Variants in GALK2 observed in about 807,000 individuals in gnomAD.
GALK2 encodes the protein N-acetylgalactosamine kinase.
GALK2 carries 36 observed loss-of-function variants against 52.4 expected under a neutral mutation model. The observed-to-expected ratio is 0.69, with a 90% CI of 0.53 to 0.91. The LOEUF (loss-of-function observed/expected upper bound fraction) is 0.91. Ranked by LOEUF, GALK2 falls within the 40% of genes least tolerant of loss-of-function variation. The pLI, the probability that GALK2 is intolerant of heterozygous loss-of-function variation, is 0.00. For synonymous variants in GALK2, 176 were observed against 199.1 expected, an observed-to-expected ratio of 0.88 and a Z score of 0.98; for missense variants, 579 against 559.1, an observed-to-expected ratio of 1.04 and a Z score of -0.36.
upstream of GALK2, chr15:49,170,132 A>T: frequency 7.6e-7 from 1 of 1,320,590 alleles, no homozygotes; most frequent in Non-Finnish European, 1.0e-6. Context: ...ACCCTGGCTG[A>T]GTCCAGGGAG....
chr15:49,162,525 C>A (rs943171435), intron 1 of GALK2, among the ~76,000 whole-genome samples: 3 of 152,146 alleles, frequency 2.0e-5, no homozygotes, highest in African/African-American at 7.2e-5. Context: ...CTGGTGGCTA[C>A]CCATTATCTA....
intron 3 of GALK2, among the ~76,000 whole-genome samples, chr15:49,361,109 T>C (rs1016034971): frequency 1.3e-5 from 2 of 152,192 alleles, no homozygotes; most frequent in African/African-American, 4.8e-5. Context: ...ATGAATATGT[T>C]AGCTTGATTC....
chr15:49,195,208 A>T (rs1054722722), intron 1 of GALK2: 1 of 407,814 alleles, frequency 2.5e-6, no homozygotes, highest in Non-Finnish European at 4.8e-6. Context: ...AGTAGCTGGG[A>T]TTACAGGTGC....
intron 3 of GALK2, among the ~76,000 whole-genome samples, chr15:49,352,597 T>C (rs1156585715): frequency 6.6e-6 from 1 of 152,218 alleles, no homozygotes. Context: ...TTCTGTGTTA[T>C]GCATAATTTT....
intron 1 of GALK2, among the ~76,000 whole-genome samples, chr15:49,199,392 T>C (rs549055918): frequency 1.3e-5 from 2 of 152,140 alleles, no homozygotes; most frequent in African/African-American, 4.8e-5. Flanking sequence ...TGAGGATGTA[T>C]AGAGAAAGAT....
intron 5 of GALK2, among the ~76,000 whole-genome samples, chr15:49,265,352 C>T (rs536280048): frequency 8.5e-5 from 13 of 152,322 alleles, no homozygotes; most frequent in African/African-American, 2.9e-4. Flanking sequence ...AGCGAGGCTC[C>T]GTGGGCATAG....
intron 1 of GALK2, among the ~76,000 whole-genome samples, chr15:49,164,613 T>A (rs898777574): frequency 2.0e-5 from 3 of 151,722 alleles, no homozygotes; most frequent in Non-Finnish European, 4.4e-5. Flanking sequence ...AAACCCCATC[T>A]CTACTAATCA....
intron 5 of GALK2, among the ~76,000 whole-genome samples, chr15:49,260,299 T>A (rs2092037586): frequency 6.6e-6 from 1 of 152,222 alleles, no homozygotes; most frequent in African/African-American, 2.4e-5. Flanking sequence ...GGTATCTCAT[T>A]GTGGTTTTGA....
At chr15:49,186,983 A>G (rs2086397309) in intron 1 of GALK2, among the ~76,000 whole-genome samples, 1 of 152,154 alleles carries the variant, frequency 6.6e-6, no homozygotes, top group Admixed American at 6.5e-5. Flanking sequence ...GATGGTCTTG[A>G]TGCTTGTGGA....
At chr15:49,258,356 A>G (rs2091905097) in intron 5 of GALK2, among the ~76,000 whole-genome samples, 1 of 152,052 alleles carries the variant, frequency 6.6e-6, no homozygotes, top group Non-Finnish European at 1.5e-5. Context: ...ATTTTAAGGA[A>G]GTAAGGGAAG....
At chr15:49,211,595 A>T (rs562640567) in intron 2 of GALK2, among the ~76,000 whole-genome samples, 72 of 152,314 alleles carry the variant, frequency 4.7e-4, no homozygotes, top group African/African-American at 1.0e-3. Flanking sequence ...TAATTTATTT[A>T]AAAAAAGAGG....
intron 1 of GALK2, chr15:49,194,012 T>A (rs1221945447): frequency 2.6e-5 from 4 of 152,062 alleles, no homozygotes; most frequent in Non-Finnish European, 5.9e-5. Flanking sequence ...AGGTGTGATG[T>A]ACTAGCATTC....
chr15:49,163,802 A>G (rs988833719), intron 1 of GALK2, among the ~76,000 whole-genome samples: 1 of 152,228 alleles, frequency 6.6e-6, no homozygotes, highest in African/African-American at 2.4e-5. Flanking sequence ...TGCCTTGCTT[A>G]TAGAAGATTC....
intron 3 of GALK2, chr15:49,366,298 T>C (rs1020539272): frequency 3.8e-6 from 3 of 787,886 alleles, no homozygotes; most frequent in Non-Finnish European, 4.7e-6. Context: ...CATCAGGAAA[T>C]TCAGATCTGT....
intron 1 of GALK2, chr15:49,185,584 A>G (rs1476562277): frequency 3.3e-5 from 5 of 152,232 alleles, no homozygotes; most frequent in Non-Finnish European, 7.3e-5. Flanking sequence ...TTCCATCAAC[A>G]GTGTATAAAT....
chr15:49,334,279 T>C, downstream of GALK2: 3 of 976,300 alleles, frequency 3.1e-6, no homozygotes, highest in Non-Finnish European at 3.7e-6. Flanking sequence ...TCTTCATTAA[T>C]TCTGAGCTTT....
chr15:49,367,423 TAAAGC>T, intron 3 of GALK2: 1 of 1,513,808 alleles, frequency 6.6e-7, no homozygotes, highest in Non-Finnish European at 8.8e-7. Context: ...GAAATTATAT[TAAAGC>T]AAAGCTTTAA....
chr15:49,360,323 T>C (rs1221365567), intron 3 of GALK2, among the ~76,000 whole-genome samples: 4 of 152,130 alleles, frequency 2.6e-5, no homozygotes, highest in African/African-American at 9.7e-5. Context: ...TGACACTGCA[T>C]TGAGTTCAGA....
chr15:49,355,531 G>C (rs997936392), intron 3 of GALK2, among the ~76,000 whole-genome samples: 1 of 152,098 alleles, frequency 6.6e-6, no homozygotes, highest in African/African-American at 2.4e-5. Context: ...AAGAAGGGAA[G>C]TTTAGAGAAA....
Sources: gnomAD v4.1 joint callset for allele counts (sites outside exome capture counted in the v4.1 genomes callset) on GRCh38, gnomAD v4.1.1 for gene constraint, MANE v1.5 for transcripts, NCBI Gene and HGNC (gene_info 2026-07-23, HGNC 2026-07-21) for gene names.